The following DUS2 variants were observed in gnomAD, a reference collection of about 807,000 sequenced individuals.
DUS2 encodes tRNA-dihydrouridine(20) synthase [NAD(P)+]-like.
In DUS2, 52 loss-of-function variants were observed where a neutral mutation model predicts 71.3. That is an observed-to-expected ratio of 0.73 (90% CI 0.58 to 0.92). The LOEUF (loss-of-function observed/expected upper bound fraction) is 0.92. DUS2 is among the 40% of genes least tolerant of loss of function. The pLI is 0.00. For missense variants in DUS2, 558 were observed against 622.6 expected (o/e 0.90, Z 1.10); for synonymous variants, 204 against 227.8 (o/e 0.90, Z 0.94).
intron 2 of DUS2, among the ~76,000 whole-genome samples, chr16:68,036,835 G>A (rs1242467134): frequency 1.3e-5 from 2 of 151,908 alleles, no homozygotes; most frequent in Non-Finnish European, 2.9e-5. Context: ...TATTTCCTCT[G>A]CTGTGCATTC....
At chr16:68,044,436 C>T (rs1598304766) in intron 3 of DUS2, among the ~76,000 whole-genome samples, 1 of 147,102 alleles carries the variant, frequency 6.8e-6, no homozygotes, top group Non-Finnish European at 1.5e-5. Flanking sequence ...CACTCTGTTA[C>T]CCAGGCTCAA....
At chr16:68,066,725 G>GA in intron 10 of DUS2, 89 bp downstream of exon 10, 2 of 1,335,276 alleles carry the variant, frequency 1.5e-6, no homozygotes, top group Non-Finnish European at 2.1e-6. Context: ...CCAAGTGACA[G>GA]CCAATTTCTC....
intron 10 of DUS2, among the ~76,000 whole-genome samples, chr16:68,068,908 C>G (rs774885261): frequency 3.9e-4 from 59 of 151,936 alleles, no homozygotes; most frequent in Admixed American, 9.2e-4. Context: ...CCAGTATTCT[C>G]TTAATAAAGG....
intron 5 of DUS2, 171 bp downstream of exon 5, chr16:68,053,826 C>A: frequency 1.6e-6 from 1 of 611,836 alleles, no homozygotes; most frequent in Non-Finnish European, 2.9e-6. Flanking sequence ...AGTAATTATA[C>A]TATTGGAGAC....
At chr16:68,026,528 A>G (rs1474670677) in intron 2 of DUS2, among the ~76,000 whole-genome samples, 1 of 151,916 alleles carries the variant, frequency 6.6e-6, no homozygotes, top group Admixed American at 6.6e-5. Context: ...CCAGCTCCCT[A>G]CCTGCTCTTT....
At chr16:68,074,953 C>A (rs1239943285) in intron 13 of DUS2, among the ~76,000 whole-genome samples, 1 of 152,138 alleles carries the variant, frequency 6.6e-6, no homozygotes. Flanking sequence ...TGTGGCTGGG[C>A]GGGAAGTGGG....
intron 7 of DUS2, among the ~76,000 whole-genome samples, chr16:68,059,784 T>TG (rs2033914298): frequency 6.6e-6 from 1 of 152,192 alleles, no homozygotes; most frequent in African/African-American, 2.4e-5. Flanking sequence ...TCACTCTTAA[T>TG]GGATTCAGAT....
intron 3 of DUS2, among the ~76,000 whole-genome samples, chr16:68,039,855 A>C (rs2033596062): frequency 1.3e-5 from 2 of 152,238 alleles, no homozygotes; most frequent in South Asian, 4.2e-4. Context: ...TTGAGGAATG[A>C]ATAGCAGATG....
At chr16:68,075,601 C>T (rs767837348) in intron 14 of DUS2, 97 bp downstream of exon 14, 7 of 1,250,190 alleles carry the variant, frequency 5.6e-6, no homozygotes, top group South Asian at 1.8e-5. Flanking sequence ...TAATGTCAAA[C>T]GTAGGGACCA....
intron 2 of DUS2, among the ~76,000 whole-genome samples, chr16:68,035,887 TATATATATATA>T (rs1567470047): frequency 0.12 from 332 of 2,736 alleles, 3 homozygotes; most frequent in Admixed American, 0.16. Context: ...GCTAATTTTA[TATATATATATA>T]TATATATATA....
chr16:68,037,823 C>T (rs781622975), intron 2 of DUS2, 183 bp from the exon 3 acceptor site: 40 of 545,562 alleles, frequency 7.3e-5, no homozygotes, highest in Middle Eastern at 5.6e-4. Flanking sequence ...CTACACTGCA[C>T]TCCAGCCTGG....
intron 8 of DUS2, among the ~76,000 whole-genome samples, chr16:68,062,203 G>T (rs2033949586): frequency 1.3e-5 from 2 of 151,852 alleles, no homozygotes; most frequent in South Asian, 4.2e-4. Context: ...TAGAGATGGG[G>T]TTTTGTCATG....
chr16:68,076,627 C>T lies in DUS2; in HGVS notation c.1083-5C>T, dbSNP rs375019027. The stretch of plus-strand genomic sequence containing the variant: ...GACCCCAACTGCTTCCCTTCCTTTC[C>T]CCAGGAGAGCATACCCAGCCCAGAT... On this transcript the variant is annotated splice_polypyrimidine_tract_variant and splice_region_variant and intron_variant, in intron 14 of 16. Transcript: ENST00000565263. 1.5e-4 allele frequency: 242 copies of T among 1,612,930 alleles called. 1 individual carries two copies. Among genetic ancestry groups the T allele is most frequent in the Non-Finnish European group, 2.0e-4 (239 of 1,179,230 alleles).
At chr16:68,060,720 T>C (rs1283337468) in intron 7 of DUS2, among the ~76,000 whole-genome samples, 1 of 152,038 alleles carries the variant, frequency 6.6e-6, no homozygotes, top group Non-Finnish European at 1.5e-5. Flanking sequence ...TGGTTGTGCA[T>C]GCCTGCAATC....
chr16:68,038,039 C>A lies in DUS2; in HGVS notation c.16C>A (p.Leu6Ile), dbSNP rs187875252. Residue 6 changes from leucine (L) to isoleucine (I), a missense_variant, in exon 3 of 17, where the codon CTC becomes ATC. Coordinates refer to ENST00000565263, the MANE Select transcript of DUS2 (RefSeq NM_017803.5). ...AGAGGAGGAAATGATTTTGAATAGCCTCTCTCTGTGTTACCATAATAAGCT... is the reference window on the plus strand; with the variant it reads ...AGAGGAGGAAATGATTTTGAATAGCATCTCTCTGTGTTACCATAATAAGCT... Reference protein sequence around the residue: MILNSLSLCYHNKLIL... With the variant: MILNSISLCYHNKLIL... The A allele has an allele frequency of 6.2e-7, 1 of 1,613,666 alleles. No individual in the cohort carries two copies. The highest frequency in any genetic ancestry group is 2.2e-5 in the East Asian group (1 of 44,878).
chr16:68,070,488 G>GA (rs1251317294), intron 11 of DUS2, among the ~76,000 whole-genome samples: 2 of 152,188 alleles, frequency 1.3e-5, no homozygotes, highest in Non-Finnish European at 2.9e-5. Flanking sequence ...CTGCAGGGAG[G>GA]GGAAAGTATG....
chr16:68,074,348 G>A (rs1415804287), intron 13 of DUS2, among the ~76,000 whole-genome samples, 193 bp downstream of exon 13: 3 of 152,180 alleles, frequency 2.0e-5, no homozygotes, highest in South Asian at 2.1e-4. Flanking sequence ...ATCCCTGGAC[G>A]GATCAGCAGA....
At chr16:68,063,346 C>T (rs1036646510) in intron 8 of DUS2, among the ~76,000 whole-genome samples, 1 of 152,174 alleles carries the variant, frequency 6.6e-6, no homozygotes. Context: ...TTTGCGGGTC[C>T]TTCCAGGCTT....
At chr16:68,040,115 A>G (rs1396598005) in intron 3 of DUS2, among the ~76,000 whole-genome samples, 1 of 147,780 alleles carries the variant, frequency 6.8e-6, no homozygotes, top group East Asian at 2.0e-4. Context: ...ACAGTGTCTC[A>G]CTCTGCCTTC....
Sources: allele counts gnomAD v4.1 joint callset (sites outside exome capture counted in the v4.1 genomes callset), GRCh38; gene constraint gnomAD v4.1.1; transcripts MANE v1.5; gene names NCBI Gene and HGNC (gene_info 2026-07-23, HGNC 2026-07-21).